The following MUCL1 variants were observed in gnomAD, a reference collection of about 807,000 sequenced individuals.
MUCL1 encodes the protein mucin like 1.
A neutral mutation model predicts 9.2 loss-of-function variants in MUCL1; 11 were observed. That is an observed-to-expected ratio of 1.19 (90% CI 0.75 to 1.97). The LOEUF (loss-of-function observed/expected upper bound fraction) is 1.97. Among genes scored for constraint, MUCL1 ranks in the 30% most tolerant of loss-of-function variants. The probability of loss-of-function intolerance (pLI) is 0.00; values close to 1 mark genes in which losing one functional copy is unlikely to be tolerated. For synonymous variants in MUCL1, 48 were observed against 40.5 expected (o/e 1.19, Z -0.71); for missense variants, 144 against 110.9 (o/e 1.30, Z -1.34).
intron 1 of MUCL1, among the ~76,000 whole-genome samples, chr12:54,846,057 C>T (rs1202762646): frequency 6.6e-6 from 1 of 152,134 alleles, no homozygotes; most frequent in African/African-American, 2.4e-5. Context: ...CTCAGTAAAA[C>T]CTTGCACTTG....
intron 1 of MUCL1, among the ~76,000 whole-genome samples, chr12:54,831,513 TA>T (rs1959185316): frequency 6.6e-6 from 1 of 152,082 alleles, no homozygotes; most frequent in Non-Finnish European, 1.5e-5. Context: ...AAGGGGGAAA[TA>T]ACTTGAGATG....
chr12:54,852,096 G>A (rs1301725587), upstream of MUCL1, among the ~76,000 whole-genome samples: 1 of 152,142 alleles, frequency 6.6e-6, no homozygotes, highest in African/African-American at 2.4e-5. Flanking sequence ...GTAATTTATA[G>A]ATTCAATGCC....
chr12:54,845,376 C>G (rs960659293), intron 1 of MUCL1, among the ~76,000 whole-genome samples: 1 of 152,080 alleles, frequency 6.6e-6, no homozygotes. Flanking sequence ...GAGCTGTGGT[C>G]TTGGGGCAGG....
chr12:54,854,248 T>C (rs1340873376), upstream of MUCL1, among the ~76,000 whole-genome samples: 2 of 152,216 alleles, frequency 1.3e-5, no homozygotes, highest in Admixed American at 6.5e-5. Flanking sequence ...CTGGTAATTA[T>C]GGAGACACTA....
chr12:54,834,613 A>T (rs1267150733), upstream of MUCL1, among the ~76,000 whole-genome samples: 1 of 152,038 alleles, frequency 6.6e-6, no homozygotes, highest in African/African-American at 2.4e-5. Context: ...TTGTGGTGAG[A>T]ATACTTAAAA....
chr12:54,839,532 G>C (rs1959200448), intron 1 of MUCL1: 1 of 700,108 alleles, frequency 1.4e-6, no homozygotes, highest in East Asian at 2.7e-5. Flanking sequence ...AATGCACTGA[G>C]GTCTTTTCAT....
chr12:54,837,558 G>A (rs577838728), upstream of MUCL1, among the ~76,000 whole-genome samples: 3 of 152,230 alleles, frequency 2.0e-5, no homozygotes, highest in South Asian at 6.2e-4. Context: ...AAGGTCAGGA[G>A]ATTGAGACCA....
chr12:54,848,026 CTT>C (rs35409980), intron 1 of MUCL1, among the ~76,000 whole-genome samples: 13,869 of 135,538 alleles, frequency 0.1, 651 homozygotes, highest in Middle Eastern at 0.14. Flanking sequence ...CATCTCAATT[CTT>C]TTTTTTTTTT....
chr12:54,854,440 TA>T, upstream of MUCL1: 1 of 621,974 alleles, frequency 1.6e-6, no homozygotes. Context: ...TGGCATTACC[TA>T]ACCTGGATTC....
upstream of MUCL1, among the ~76,000 whole-genome samples, chr12:54,837,843 T>G (rs1959195727): frequency 6.6e-6 from 1 of 152,222 alleles, no homozygotes; most frequent in Non-Finnish European, 1.5e-5. Context: ...AGAAGATATT[T>G]GGTTTGTGAT....
At chr12:54,856,357 C>A (rs568748318) in intron 2 of MUCL1, among the ~76,000 whole-genome samples, 1 of 152,172 alleles carries the variant, frequency 6.6e-6, no homozygotes, top group Non-Finnish European at 1.5e-5. Context: ...CTTTACTCAT[C>A]CTCATTCATG....
intron 3 of MUCL1, among the ~76,000 whole-genome samples, chr12:54,857,230 T>TTGTG (rs1868307702): frequency 1.8e-5 from 2 of 114,118 alleles, no homozygotes; most frequent in Non-Finnish European, 3.7e-5. Flanking sequence ...TTAAATCAGG[T>TTGTG]AGTGTGTGTG....
intron 1 of MUCL1, among the ~76,000 whole-genome samples, chr12:54,841,507 G>A (rs1483405397): frequency 1.3e-5 from 2 of 152,062 alleles, no homozygotes; most frequent in Non-Finnish European, 2.9e-5. Flanking sequence ...CAACCCTGCC[G>A]TACTTTGTCT....
At chr12:54,835,720 A>G (rs750470632), upstream of MUCL1, among the ~76,000 whole-genome samples, 4 of 151,210 alleles carry the variant, frequency 2.6e-5, no homozygotes, top group Non-Finnish European at 5.9e-5. Context: ...GATTTGTCAT[A>G]TATGGCTTTT....
At chr12:54,838,985 G>A (rs1329845817), upstream of MUCL1, among the ~76,000 whole-genome samples, 2 of 151,996 alleles carry the variant, frequency 1.3e-5, no homozygotes, top group Admixed American at 6.6e-5. Context: ...TTCTGGATGG[G>A]TTATAGAACA....
upstream of MUCL1, among the ~76,000 whole-genome samples, chr12:54,837,092 G>T (rs1296880916): frequency 6.6e-6 from 1 of 152,082 alleles, no homozygotes; most frequent in African/African-American, 2.4e-5. Flanking sequence ...TATTTGTCAG[G>T]TCAATTTTTT....
chr12:54,837,792 A>G (rs1266756714), upstream of MUCL1, among the ~76,000 whole-genome samples: 1 of 152,208 alleles, frequency 6.6e-6, no homozygotes, highest in Non-Finnish European at 1.5e-5. Flanking sequence ...ACAAAAACAA[A>G]AAAAATCAAT....
upstream of MUCL1, among the ~76,000 whole-genome samples, chr12:54,851,123 T>A (rs1344555062): frequency 2.0e-5 from 3 of 152,204 alleles, no homozygotes; most frequent in Non-Finnish European, 4.4e-5. Flanking sequence ...CTGTTCACTC[T>A]GATGGTAGTT....
chr12:54,837,639 G>T (rs1024275137), upstream of MUCL1, among the ~76,000 whole-genome samples: 2 of 152,104 alleles, frequency 1.3e-5, no homozygotes, highest in Non-Finnish European at 2.9e-5. Flanking sequence ...CGTGGTGGTG[G>T]GTGCCCGTAG....
Sources: allele counts gnomAD v4.1 joint callset (sites outside exome capture counted in the v4.1 genomes callset), GRCh38; gene constraint gnomAD v4.1.1; transcripts MANE v1.5; gene names NCBI Gene and HGNC (gene_info 2026-07-23, HGNC 2026-07-21).